Variants in ZBTB11 observed in about 807,000 individuals in gnomAD.
ZBTB11 encodes the protein zinc finger and BTB domain-containing protein 11.
In ZBTB11, 68 loss-of-function variants were observed where a neutral mutation model predicts 113.1. That is an observed-to-expected ratio of 0.60 (90% CI 0.49 to 0.74). ZBTB11 has a LOEUF of 0.74. Among genes scored for constraint, ZBTB11 ranks in the 30% least tolerant of loss-of-function variants. The probability of loss-of-function intolerance (pLI) is 0.00; values close to 1 mark genes in which losing one functional copy is unlikely to be tolerated. For missense variants in ZBTB11, 1,104 were observed against 1,279.4 expected (o/e 0.86, Z 2.09); for synonymous variants, 518 against 452.6 (o/e 1.14, Z -1.83).
intron 7 of ZBTB11, 134 bp from the exon 8 acceptor site, chr3:101,654,955 G>C: frequency 1.7e-6 from 1 of 605,736 alleles, no homozygotes; most frequent in Non-Finnish European, 2.9e-6. Flanking sequence ...TCGGCTCATC[G>C]CAAACTCCAC....
chr3:101,664,755 A>G, intron 4 of ZBTB11, 41 bp from the exon 5 acceptor site: 1 of 1,531,196 alleles, frequency 6.5e-7, no homozygotes, highest in Non-Finnish European at 8.8e-7. Flanking sequence ...AAATCTACTC[A>G]ATTTTAATTT....
chr3:101,667,361 G>A (rs1269494899), intron 3 of ZBTB11, among the ~76,000 whole-genome samples: 8 of 152,068 alleles, frequency 5.3e-5, no homozygotes, highest in East Asian at 1.9e-4. Context: ...TTCTAATTCC[G>A]CCTTCTCACA....
chr3:101,669,610 C>T lies in ZBTB11; in HGVS notation c.778+1520G>A, dbSNP rs142596476. On this transcript the variant is annotated intron_variant, in intron 3 of 10. Transcript: ENST00000312938. ...AAAGCAAACATATCAAAAGAATAACCTGTGATGGGTTTTTATATTCAGATG... is the reference window on the plus strand; with the variant it reads ...AAAGCAAACATATCAAAAGAATAACTTGTGATGGGTTTTTATATTCAGATG... Among the ~76,000 whole-genome samples the T allele has an allele frequency of 1.3e-4, 20 of 151,978 alleles. No homozygotes were observed. In the East Asian group the frequency reaches 3.5e-3, roughly 27 times the overall value.
chr3:101,669,493 A>C (rs1418939333), intron 3 of ZBTB11, among the ~76,000 whole-genome samples: 1 of 152,204 alleles, frequency 6.6e-6, no homozygotes, highest in Non-Finnish European at 1.5e-5. Context: ...AGTTTTTTTC[A>C]GGCAGACATT....
chr3:101,676,852 A>G lies in ZBTB11; in HGVS notation c.63T>C (p.Tyr21=), dbSNP rs370263215. 5 of 1,610,840 alleles carry G rather than the reference A, an allele frequency of 3.1e-6. No homozygotes were observed. Among genetic ancestry groups the G allele is most frequent in the Non-Finnish European group, 4.2e-6 (5 of 1,178,812 alleles). ...LRYLTNEREP[Y]APGTEGNVKR... ...TGACATTGCCCTCGGTGCCCGGCGC[A>G]TACGGCTCGCGCTCGTTCGTCAGGT... The change falls in exon 1 of 11, where the codon TAT becomes TAC. Residue 21 remains tyrosine, a synonymous_variant. Transcript: ENST00000312938.
At chr3:101,660,467 T>C (rs956018978) in intron 5 of ZBTB11, among the ~76,000 whole-genome samples, 1 of 152,192 alleles carries the variant, frequency 6.6e-6, no homozygotes, top group Non-Finnish European at 1.5e-5. Flanking sequence ...AAGTTATATA[T>C]GCTTACCCTC....
In ZBTB11 at chr3:101,671,190, G is replaced by A. The variant is rs1222509693; in HGVS notation, c.718C>T (p.Arg240Ter). ...SVLSANSEYFRDLFIEKGAVS... is the reference protein window; with the variant it reads ...SVLSANSEYF ...GCTCCTTTCTCAATAAAAAGATCTC[G>A]AAAATACTCGCTATTTGCTGACAAA... Residue 240 changes from arginine (R) to a stop codon, truncating the protein, a stop_gained, in exon 3 of 11, where the codon CGA (arginine) becomes TGA (stop). Transcript: ENST00000312938. LOFTEE classifies it high-confidence loss of function. 2.5e-6 allele frequency: 4 copies of A among 1,614,026 alleles called. No individual in the cohort carries two copies. Among genetic ancestry groups the A allele is most frequent in the African/African-American group, 1.3e-5 (1 of 74,912 alleles).
intron 3 of ZBTB11, 67 bp from the exon 4 acceptor site, chr3:101,665,875 C>A: frequency 7.1e-7 from 1 of 1,417,434 alleles, no homozygotes; most frequent in Non-Finnish European, 9.5e-7. Context: ...AGAATTATGA[C>A]AATATAAAAT....
Position 101,651,313 on chromosome 3 carries a change from A to G in ZBTB11, c.3015T>C (p.Tyr1005=). ...ALEAVAATEE[Y]PSVSTLSDQS... ...GGTCAGAAAGTGTAGATACCGATGG[A>G]TACTCTTCAGTAGCTGCAACAGCTT... Residue 1005 remains tyrosine (Y), a synonymous_variant, in exon 11 of 11, where the codon TAT becomes TAC. Coordinates refer to ENST00000312938, the MANE Select transcript of ZBTB11 (RefSeq NM_014415.4). The G allele has an allele frequency of 6.2e-7, 1 of 1,613,708 alleles. No homozygotes were observed. The highest frequency in any genetic ancestry group is 8.5e-7 in the Non-Finnish European group (1 of 1,179,872).
At position 101,651,349 on chromosome 3, in the gene ZBTB11, CAT is replaced by C; in HGVS notation, c.2977_2978del (p.Met993GlyfsTer10). 2.5e-6 allele frequency: 4 copies of C among 1,613,984 alleles called. No homozygotes were observed. The highest frequency in any genetic ancestry group is 1.1e-5 in the South Asian group (1 of 91,044). ...LETVVVTGET[M>X]EALEAVAATE... Reference sequence around the variant, plus strand: ...TAGCTGCAACAGCTTCCAGAGCTTCCATAGTTTCTCCTGTCACTACCACAGTC... The same window carrying C: ...TAGCTGCAACAGCTTCCAGAGCTTCCAGTTTCTCCTGTCACTACCACAGTC... On this transcript the variant is annotated frameshift_variant, in exon 11 of 11. Coordinates refer to ENST00000312938, the MANE Select transcript of ZBTB11 (RefSeq NM_014415.4). LOFTEE classifies it high-confidence loss of function.
chr3:101,665,820 CA>C lies in ZBTB11; in HGVS notation c.779-13del, dbSNP rs1416869661. On this transcript the variant is annotated splice_polypyrimidine_tract_variant and intron_variant, in intron 3 of 10. Coordinates refer to ENST00000312938, the MANE Select transcript of ZBTB11 (RefSeq NM_014415.4). ...GGCCTTACAAAAACCTGTATGAATA[CA>C]AAGAAGGTAAAGACAAAAAAGTCAA... The C allele has an allele frequency of 6.4e-7, 1 of 1,559,472 alleles. No homozygotes were observed. Among genetic ancestry groups the C allele is most frequent in the African/African-American group, 1.4e-5 (1 of 72,388 alleles).
At chr3:101,670,936 A>C in intron 3 of ZBTB11, 194 bp downstream of exon 3, 1 of 547,638 alleles carries the variant, frequency 1.8e-6, no homozygotes, top group East Asian at 2.8e-5. Context: ...GACGTAGTGA[A>C]AGGAAATGAC....
At position 101,656,151 on chromosome 3, in the gene ZBTB11, G is replaced by A. The variant is rs1395551656; in HGVS notation, c.2144C>T (p.Ser715Leu). ...KQFQCELCVK[S>L]FVTKRSLQEH... is the part of the protein sequence containing the mutation. ...TTGAAGACTCCGTTTGGTAACAAAT[G>A]ACTTAACACACAGTTCACACTGGAA... Residue 715 changes from serine (S) to leucine (L), a missense_variant, in exon 7 of 11, where the codon TCA (serine) becomes TTA (leucine). Physicochemically the swap from Ser to Leu is moderately radical, Grantham distance 145 (BLOSUM62 -2). Coordinates refer to ENST00000312938, the MANE Select transcript of ZBTB11 (RefSeq NM_014415.4). 2 of 1,595,912 alleles carry A rather than the reference G, an allele frequency of 1.3e-6. No individual in the cohort carries two copies. The highest frequency in any genetic ancestry group is 1.4e-5 in the African/African-American group (1 of 73,636).
In ZBTB11 at chr3:101,651,230, G is replaced by A. The variant is rs1210717148; in HGVS notation, c.3098C>T (p.Ser1033Phe). Residue 1033 changes from serine (S) to phenylalanine (F), a missense_variant, in exon 11 of 11, where the codon TCT becomes TTT. Around this residue, in one of 5 missense-constraint regions of ZBTB11, gnomAD observed 90 missense variants for 98.0 expected, o/e 0.92. Transcript: ENST00000312938. ...VLAQQQGQKLSEVAEAIQTVK... is the reference protein window; with the variant it reads ...VLAQQQGQKLFEVAEAIQTVK... ...AGTTTGAATAGCTTCTGCAACTTCA[G>A]ATAGCTTCTGTCCTTGCTGTTGTGC... 1 of 1,612,464 alleles carries A rather than the reference G, an allele frequency of 6.2e-7. No individual in the cohort carries two copies. The highest frequency in any genetic ancestry group is 1.1e-5 in the South Asian group (1 of 90,550).
intron 1 of ZBTB11, among the ~76,000 whole-genome samples, chr3:101,675,326 T>C (rs1937146208): frequency 6.6e-6 from 1 of 152,258 alleles, no homozygotes; most frequent in Non-Finnish European, 1.5e-5. Context: ...AGGAATTTAA[T>C]TCAGATATTG....
Position 101,651,578 on chromosome 3 carries a change from G to A in ZBTB11, c.2750C>T (p.Pro917Leu). The stretch of plus-strand genomic sequence containing the variant: ...ATCTATGTAGGCTTCGCTACATACA[G>A]GACAGACATAGGGCCGTTCACCAGT... The part of the protein sequence containing the change: ...THTGERPYVC[P>L]VCSEAYIDAR... Residue 917 changes from proline to leucine, a missense_variant, in exon 11 of 11, where the codon CCT (proline) becomes CTT (leucine). Physicochemically the swap from Pro to Leu is moderately conservative, Grantham distance 98. This residue lies in a region of ZBTB11 where 148 missense variants were observed against 259.3 expected (regional missense o/e 0.57). Coordinates refer to ENST00000312938, the MANE Select transcript of ZBTB11 (RefSeq NM_014415.4). 2 of 1,613,936 alleles carry A rather than the reference G, an allele frequency of 1.2e-6. No individual in the cohort carries two copies. The highest frequency in any genetic ancestry group is 1.7e-5 in the Admixed American group (1 of 59,986).
Position 101,656,128 on chromosome 3 carries a change from G to C in ZBTB11, c.2167C>G (p.Gln723Glu). ...VKSFVTKRSLQEHMSIHTGES... is the reference protein window; with the variant it reads ...VKSFVTKRSLEEHMSIHTGES... ...CCTGTGTGAATACTCATATGTTCTT[G>C]AAGACTCCGTTTGGTAACAAATGAC... Residue 723 changes from glutamine (Q) to glutamate (E), a missense_variant, in exon 7 of 11, where the codon CAA (glutamine) becomes GAA (glutamate). Gln to Glu is a conservative substitution (Grantham distance 29, BLOSUM62 2). This residue lies in a region of ZBTB11 where 535 missense variants were observed against 518.6 expected (regional missense o/e 1.03). Coordinates refer to ENST00000312938, the MANE Select transcript of ZBTB11 (RefSeq NM_014415.4). 1 of 1,588,100 alleles carries C rather than the reference G, an allele frequency of 6.3e-7. No homozygotes were observed. Among genetic ancestry groups the C allele is most frequent in the African/African-American group, 1.4e-5 (1 of 73,416 alleles).
rs769162144 is a variant in ZBTB11, at chr3:101,649,719, T to C, written c.*1447A>G. Reference sequence around the variant, plus strand: ...AATGGGAAATTTGCAAATGCAAATATATAATGCATGCACAGCTATCACATT... The same window carrying C: ...AATGGGAAATTTGCAAATGCAAATACATAATGCATGCACAGCTATCACATT... On this transcript the variant is annotated 3_prime_UTR_variant, in exon 11 of 11. Transcript: ENST00000312938. The C allele has an allele frequency of 6.6e-6, 1 of 152,644 alleles. No homozygotes were observed. Among genetic ancestry groups the C allele is most frequent in the Non-Finnish European group, 1.5e-5 (1 of 68,022 alleles). The allele number at this position is 152,644 out of a possible 1,614,324, so 9.5% of individuals were successfully genotyped here.
chr3:101,674,107 G>C (rs1937124267), intron 1 of ZBTB11, among the ~76,000 whole-genome samples: 1 of 151,014 alleles, frequency 6.6e-6, no homozygotes, highest in African/African-American at 2.4e-5. Context: ...AGGCTGAGGT[G>C]GGCGGATCAT....
Sources: allele counts gnomAD v4.1 joint callset (sites outside exome capture counted in the v4.1 genomes callset), GRCh38; gene constraint gnomAD v4.1.1; regional missense constraint gnomAD v4.1.1; transcripts MANE v1.5; gene names NCBI Gene and HGNC (gene_info 2026-07-23, HGNC 2026-07-21).